ABCA4: variants seen among roughly 807,000 people sequenced by gnomAD.
ABCA4 encodes the protein retinal-specific phospholipid-transporting ATPase ABCA4.
ABCA4 carries 196 observed loss-of-function variants against 263.7 expected under a neutral mutation model. The ratio of observed to expected loss-of-function variants is 0.74; its 90% CI spans 0.66 to 0.84. ABCA4 has a LOEUF of 0.84. ABCA4 is among the 40% of genes least tolerant of loss of function. The pLI, the probability that ABCA4 is intolerant of heterozygous loss-of-function variation, is 0.00. For synonymous variants in ABCA4, 1,133 were observed against 1,094.2 expected (o/e 1.04, Z -0.70); for missense variants, 2,792 against 2,855.1 (o/e 0.98, Z 0.50).
chr1:94,011,004 C>T, intron 39 of ABCA4, 75 bp from the exon 40 acceptor site: 3 of 1,611,168 alleles, frequency 1.9e-6, no homozygotes, highest in Non-Finnish European at 2.5e-6. Flanking sequence ...GCACAGGGCC[C>T]ACTAGACCAG....
chr1:94,047,170 T>C (rs1216354551), intron 18 of ABCA4, 77 bp from the exon 19 acceptor site: 2 of 1,526,644 alleles, frequency 1.3e-6, no homozygotes, highest in Non-Finnish European at 1.8e-6. Flanking sequence ...TCCAGGCCCT[T>C]GTATTCTGCC....
At chr1:94,094,540 C>T (rs942741597) in intron 6 of ABCA4, among the ~76,000 whole-genome samples, 1 of 152,112 alleles carries the variant, frequency 6.6e-6, no homozygotes, top group Non-Finnish European at 1.5e-5. Context: ...GCCCAAATGC[C>T]GAGGAGGCTG....
intron 40 of ABCA4, among the ~76,000 whole-genome samples, chr1:94,009,299 T>C (rs1397080246): frequency 6.6e-6 from 1 of 151,990 alleles, no homozygotes; most frequent in Non-Finnish European, 1.5e-5. Context: ...CAGTAAGGGG[T>C]AGTTACTAAC....
chr1:94,056,752 G>T lies in ABCA4; in HGVS notation c.2231C>A (p.Thr744Asn). 1 of 1,613,878 alleles carries T rather than the reference G, an allele frequency of 6.2e-7. No individual in the cohort carries two copies. The highest frequency in any genetic ancestry group is 1.7e-5 in the Admixed American group (1 of 59,984). The change falls in exon 15 of 50, where the codon ACC becomes AAC. Residue 744 changes from threonine to asparagine, a missense_variant. Thr to Asn is a moderately conservative substitution (Grantham distance 65). Transcript: ENST00000370225. ...GCTGAGCAGAAAGCACAGCATGATG[G>T]TGGCAGTGGAGAAAGCCAACAAGAA... ...FLFLLAFSTA[T>N]IMLCFLLSTF...
chr1:94,118,032 C>G (rs557582197), intron 1 of ABCA4, among the ~76,000 whole-genome samples: 1 of 152,116 alleles, frequency 6.6e-6, no homozygotes, highest in Non-Finnish European at 1.5e-5. Flanking sequence ...GGATAGATCT[C>G]GATCCACGGG....
At chr1:94,035,352 C>A (rs1398510683) in intron 26 of ABCA4, among the ~76,000 whole-genome samples, 1 of 152,160 alleles carries the variant, frequency 6.6e-6, no homozygotes, top group African/African-American at 2.4e-5. Context: ...AACTTGGGTT[C>A]TGTGGTGAAT....
rs888059763 is a variant in ABCA4 at position 94,029,483 on chromosome 1, C to A, written c.4501G>T (p.Glu1501Ter). The change falls in exon 30 of 50, where the codon GAG becomes TAG. Residue 1501 changes from glutamate (E) to a stop codon, truncating the protein, a stop_gained. Coordinates refer to ENST00000370225, the MANE Select transcript of ABCA4 (RefSeq NM_000350.3). LOFTEE classifies it high-confidence loss of function. ...STREKLTMLP[E>*]CPEGAGGLPP... ...AGGCCCCCGGCACCCTCGGGGCACTCTGGCAGCATGGTGAGCTTCTCCCTG... is the reference window on the plus strand; with the variant it reads ...AGGCCCCCGGCACCCTCGGGGCACTATGGCAGCATGGTGAGCTTCTCCCTG... 6.3e-7 allele frequency: 1 copy of A among 1,582,616 alleles called. No homozygotes were observed. The highest frequency in any genetic ancestry group is 1.3e-5 in the African/African-American group (1 of 74,588).
intron 43 of ABCA4, among the ~76,000 whole-genome samples, chr1:94,007,199 A>G (rs1048675058): frequency 1.3e-5 from 2 of 152,194 alleles, no homozygotes; most frequent in African/African-American, 4.8e-5. Context: ...TTAACCTGGG[A>G]TTCAAGAGCT....
At chr1:94,039,286 G>A (rs1005864347) in intron 24 of ABCA4, among the ~76,000 whole-genome samples, 4 of 152,284 alleles carry the variant, frequency 2.6e-5, no homozygotes, top group South Asian at 2.1e-4. Flanking sequence ...AATATTGCCC[G>A]GTTCTCTTGC....
intron 44 of ABCA4, 51 bp from the exon 45 acceptor site, chr1:94,002,043 A>G (rs1659203516): frequency 6.2e-7 from 1 of 1,612,834 alleles, no homozygotes; most frequent in African/African-American, 1.3e-5. Context: ...AACACCCCAA[A>G]CCTCCCCCAG....
In ABCA4 at chr1:94,008,888, G is replaced by T. The variant is rs772678492; in HGVS notation, c.5715-17C>A. 6 of 1,610,562 alleles carry T rather than the reference G, an allele frequency of 3.7e-6. No individual in the cohort carries two copies. The highest frequency in any genetic ancestry group is 3.3e-5 in the South Asian group (3 of 91,000). On this transcript the variant is annotated splice_polypyrimidine_tract_variant and intron_variant, in intron 40 of 49. Transcript: ENST00000370225. Reference sequence around the variant, plus strand: ...TCGGCAATCCTAGATGAAGAAAAGGGGTCAGGATTGGGCTGGCTGTACAGT... The same window carrying T: ...TCGGCAATCCTAGATGAAGAAAAGGTGTCAGGATTGGGCTGGCTGTACAGT...
At chr1:94,098,758 C>A (rs1325663526) in intron 6 of ABCA4, 36 bp downstream of exon 6, 1 of 1,609,830 alleles carries the variant, frequency 6.2e-7, no homozygotes, top group Non-Finnish European at 8.5e-7. Flanking sequence ...CCAGGAATCA[C>A]CTTGCAATTG....
intron 6 of ABCA4, among the ~76,000 whole-genome samples, chr1:94,094,306 A>G (rs1157151306): frequency 6.6e-6 from 1 of 152,162 alleles, no homozygotes; most frequent in East Asian, 1.9e-4. Context: ...GAATTCAGGG[A>G]GCCAGAGCCA....
chr1:94,050,314 G>C (rs72725169), intron 17 of ABCA4, among the ~76,000 whole-genome samples: 4,925 of 152,338 alleles, frequency 0.032, 127 homozygotes, highest in Non-Finnish European at 0.046. Flanking sequence ...GCCAGGCAAT[G>C]CATGTGCATG....
At chr1:94,046,472 A>AAAAG (rs1553191033) in intron 19 of ABCA4, among the ~76,000 whole-genome samples, 1 of 148,616 alleles carries the variant, frequency 6.7e-6, no homozygotes, top group African/African-American at 2.4e-5. Context: ...AAAAAAAAAA[A>AAAAG]AAAAGAAAAG....
Position 94,046,289 on chromosome 1 carries a change from AAAAAAAAAAAAAAAATAC to A in ABCA4, c.2918+612_2918+629del, listed in dbSNP as rs1313900520. Among the ~76,000 whole-genome samples, 36 of 127,626 alleles carry A rather than the reference AAAAAAAAAAAAAAAATAC, an allele frequency of 2.8e-4. No homozygotes were observed. The South Asian group carries it at 7.8e-3, about 28-fold the overall frequency. 83.7% of individuals were successfully genotyped at this position (127,626 alleles called of 152,430 possible). A position where few individuals can be genotyped will look rare whatever the true frequency, so the allele number is the denominator to read the frequency against. On this transcript the variant is annotated intron_variant, in intron 19 of 49. Coordinates refer to ENST00000370225, the MANE Select transcript of ABCA4 (RefSeq NM_000350.3). Reference sequence around the variant, plus strand: ...GAAACCCTGTCTGTACTAAAAAAAAAAAAAAAAAAAAAAAATACAAAAATTAGCTGGGCATGGTGGTAT... The same window carrying A: ...GAAACCCTGTCTGTACTAAAAAAAAAAAAAATTAGCTGGGCATGGTGGTAT...
intron 48 of ABCA4, among the ~76,000 whole-genome samples, chr1:93,996,771 C>T (rs577429442): frequency 6.6e-6 from 1 of 152,224 alleles, no homozygotes; most frequent in East Asian, 1.9e-4. Flanking sequence ...CAAAATGTAG[C>T]ACATATACGT....
intron 6 of ABCA4, among the ~76,000 whole-genome samples, chr1:94,095,558 G>T (rs1478060660): frequency 6.6e-6 from 1 of 152,088 alleles, no homozygotes; most frequent in African/African-American, 2.4e-5. Context: ...AATAACAGCC[G>T]CGTCCCAGCG....
intron 36 of ABCA4, among the ~76,000 whole-genome samples, chr1:94,018,040 TTC>T: frequency 6.6e-6 from 1 of 152,310 alleles, no homozygotes; most frequent in African/African-American, 2.4e-5. Flanking sequence ...AGCTTTAAAA[TTC>T]TGGAGCATCA....
Sources: allele counts gnomAD v4.1 joint callset (sites outside exome capture counted in the v4.1 genomes callset), GRCh38; gene constraint gnomAD v4.1.1; transcripts MANE v1.5; gene names NCBI Gene and HGNC (gene_info 2026-07-23, HGNC 2026-07-21).